Variants in PCDH9 observed in about 807,000 individuals in gnomAD.
PCDH9 encodes the protein protocadherin 9, also known as protocadherin-9.
A neutral mutation model predicts 70.6 loss-of-function variants in PCDH9; 24 were observed. The observed-to-expected ratio is 0.34, with a 90% CI of 0.25 to 0.48. PCDH9 has a LOEUF of 0.48. PCDH9 is among the 20% of genes least tolerant of loss of function. The pLI, the probability that PCDH9 is intolerant of heterozygous loss-of-function variation, is 0.99. For synonymous variants in PCDH9, 562 were observed against 558.5 expected (o/e 1.01, Z -0.09); for missense variants, 1,281 against 1,503.6 (o/e 0.85, Z 2.45).
intron 4 of PCDH9, among the ~76,000 whole-genome samples, chr13:66,609,944 G>A (rs942378843): frequency 6.8e-6 from 1 of 147,942 alleles, no homozygotes; most frequent in African/African-American, 2.5e-5. Flanking sequence ...AGGAGAAATA[G>A]CATTTCCTTC....
chr13:66,962,004 T>C (rs1283725407), intron 2 of PCDH9, among the ~76,000 whole-genome samples: 1 of 151,898 alleles, frequency 6.6e-6, no homozygotes, highest in East Asian at 1.9e-4. Flanking sequence ...TGAGCCGAGA[T>C]TGTGCCACGG....
At chr13:66,781,846 T>A (rs1433795436) in intron 3 of PCDH9, among the ~76,000 whole-genome samples, 5 of 147,772 alleles carry the variant, frequency 3.4e-5, no homozygotes, top group Non-Finnish European at 6.0e-5. Context: ...CAATAACATC[T>A]ATCACATAAT....
chr13:67,054,460 T>C (rs1000037595), intron 2 of PCDH9, among the ~76,000 whole-genome samples: 2 of 152,156 alleles, frequency 1.3e-5, no homozygotes, highest in African/African-American at 4.8e-5. Context: ...TTTACTTTTG[T>C]TTGAAAATAA....
intron 2 of PCDH9, among the ~76,000 whole-genome samples, chr13:66,986,598 T>C (rs1434439260): frequency 6.6e-6 from 1 of 152,008 alleles, no homozygotes; most frequent in Non-Finnish European, 1.5e-5. Context: ...ATGACATAGA[T>C]ATAGCTACTT....
Position 66,419,786 on chromosome 13 carries a change from A to G in PCDH9, c.3341-114758T>C, listed in dbSNP as rs373855391. Among the ~76,000 whole-genome samples the G allele has an allele frequency of 2.9e-3, 411 of 142,212 alleles. 3 individuals carry two copies. The highest frequency in any genetic ancestry group is 0.01 in the African/African-American group (388 of 38,444). 93.3% of individuals were successfully genotyped at this position (142,212 alleles called of 152,430 possible). A position where few individuals can be genotyped will look rare whatever the true frequency, so the allele number is the denominator to read the frequency against. Reference sequence around the variant, plus strand: ...GAGTTTTTTTTTTTTTTTTTCCCCCAGTGGCACTGTAACACCAGCGAAACA... The same window carrying G: ...GAGTTTTTTTTTTTTTTTTTCCCCCGGTGGCACTGTAACACCAGCGAAACA... On this transcript the variant is annotated intron_variant, in intron 4 of 4. Transcript: ENST00000377865.
chr13:66,994,864 C>A (rs1483876393), intron 2 of PCDH9, among the ~76,000 whole-genome samples: 1 of 152,212 alleles, frequency 6.6e-6, no homozygotes, highest in African/African-American at 2.4e-5. Flanking sequence ...TGGTATGCCT[C>A]ATCTATCATG....
chr13:66,460,298 C>T (rs1958398654), intron 4 of PCDH9, among the ~76,000 whole-genome samples: 1 of 151,834 alleles, frequency 6.6e-6, no homozygotes, highest in Non-Finnish European at 1.5e-5. Context: ...TATCTAAATG[C>T]AGAACTGCTA....
chr13:66,731,372 T>C (rs1490773248), intron 3 of PCDH9, among the ~76,000 whole-genome samples: 3 of 152,154 alleles, frequency 2.0e-5, no homozygotes, highest in Middle Eastern at 3.2e-3. Flanking sequence ...CAGAGATGGC[T>C]TTCTATGGTT....
chr13:67,114,251 T>C (rs2086716095), intron 2 of PCDH9, among the ~76,000 whole-genome samples: 1 of 152,188 alleles, frequency 6.6e-6, no homozygotes, highest in Non-Finnish European at 1.5e-5. Flanking sequence ...CCATGAAACA[T>C]TAATACCACA....
chr13:66,839,070 G>C (rs965557447), intron 3 of PCDH9, among the ~76,000 whole-genome samples: 1 of 151,366 alleles, frequency 6.6e-6, no homozygotes, highest in Non-Finnish European at 1.5e-5. Context: ...TATTCCAAAA[G>C]ACAGAGTATT....
At chr13:66,822,051 T>A (rs1394124024) in intron 3 of PCDH9, among the ~76,000 whole-genome samples, 1 of 151,976 alleles carries the variant, frequency 6.6e-6, no homozygotes, top group Non-Finnish European at 1.5e-5. Flanking sequence ...TTGGTACACA[T>A]CAGCATGATT....
chr13:66,554,321 C>T (rs1023700121), intron 4 of PCDH9, among the ~76,000 whole-genome samples: 6 of 152,124 alleles, frequency 3.9e-5, no homozygotes, highest in Admixed American at 2.0e-4. Context: ...TACTCTTTTG[C>T]AACTTTAAAG....
chr13:66,778,100 G>T (rs1010191993), intron 3 of PCDH9, among the ~76,000 whole-genome samples: 1 of 146,116 alleles, frequency 6.8e-6, no homozygotes, highest in South Asian at 2.2e-4. Context: ...CATGGACACA[G>T]GAAGGGGAAC....
intron 4 of PCDH9, among the ~76,000 whole-genome samples, chr13:66,483,635 C>T (rs550969126): frequency 1.1e-4 from 17 of 152,250 alleles, no homozygotes; most frequent in African/African-American, 3.1e-4. Flanking sequence ...AATGGCAGCA[C>T]GGTGTTATTG....
intron 4 of PCDH9, among the ~76,000 whole-genome samples, chr13:66,608,195 T>A (rs2077245921): frequency 6.6e-6 from 1 of 151,910 alleles, no homozygotes; most frequent in African/African-American, 2.4e-5. Context: ...TATATACAGT[T>A]CAGTAAAACT....
At chr13:66,653,119 C>T (rs1340592599) in intron 3 of PCDH9, among the ~76,000 whole-genome samples, 1 of 152,066 alleles carries the variant, frequency 6.6e-6, no homozygotes, top group African/African-American at 2.4e-5. Context: ...CAAGCACAGA[C>T]AAACAAAGCA....
At chr13:66,625,483 A>G (rs937117141) in intron 4 of PCDH9, among the ~76,000 whole-genome samples, 1 of 152,132 alleles carries the variant, frequency 6.6e-6, no homozygotes, top group Non-Finnish European at 1.5e-5. Flanking sequence ...TTTCATATCT[A>G]TCCACTGTAC....
chr13:66,586,510 C>T (rs1455017494), intron 4 of PCDH9, among the ~76,000 whole-genome samples: 1 of 152,146 alleles, frequency 6.6e-6, no homozygotes, highest in Non-Finnish European at 1.5e-5. Flanking sequence ...GGTTGGGGCG[C>T]TCTTCCTCCA....
chr13:66,413,972 T>C (rs1336208491), intron 4 of PCDH9, among the ~76,000 whole-genome samples: 3 of 152,052 alleles, frequency 2.0e-5, no homozygotes, highest in African/African-American at 7.2e-5. Context: ...TGTGGTTCTT[T>C]TTCTTCCTTA....
Sources: allele counts gnomAD v4.1 joint callset (sites outside exome capture counted in the v4.1 genomes callset), GRCh38; gene constraint gnomAD v4.1.1; transcripts MANE v1.5; gene names NCBI Gene and HGNC (gene_info 2026-07-23, HGNC 2026-07-21).